Variants in RTL4 observed in about 807,000 individuals in gnomAD.
RTL4 encodes the protein retrotransposon Gag-like protein 4.
A neutral mutation model predicts 5.3 loss-of-function variants in RTL4; 4 were observed. That is an observed-to-expected ratio of 0.75 (90% CI 0.37 to 1.72). The LOEUF (loss-of-function observed/expected upper bound fraction) is 1.72, where lower values mean the gene tolerates loss of function less well. Among genes scored for constraint, RTL4 ranks in the 40% most tolerant of loss-of-function variants. The pLI, the probability that RTL4 is intolerant of heterozygous loss-of-function variation, is 0.04. For missense variants in RTL4, 260 were observed against 227.1 expected (o/e 1.14, Z -0.93); for synonymous variants, 98 against 87.3 (o/e 1.12, Z -0.68).
At chrX:112,164,984 C>G in the RTL4 span, among the ~76,000 whole-genome samples, 1 of 112,135 alleles carries the variant, frequency 8.9e-6, no homozygotes, top group South Asian at 3.8e-4. Flanking sequence ...TGCTAATTAG[C>G]AGGCCGCATT....
the RTL4 span, among the ~76,000 whole-genome samples, chrX:112,235,836 G>C: frequency 9.0e-6 from 1 of 111,360 alleles, no homozygotes; most frequent in Admixed American, 9.5e-5. Flanking sequence ...GTTTAAATCT[G>C]GGAAATAGTA....
chrX:112,111,595 C>T, the RTL4 span, among the ~76,000 whole-genome samples: 1,544 of 112,725 alleles, frequency 0.014, 13 homozygotes, highest in Non-Finnish European at 0.02. Context: ...AGCATACTTG[C>T]TATCTGTGTA....
At chrX:112,436,770 A>G in the RTL4 span, among the ~76,000 whole-genome samples, 1 of 110,675 alleles carries the variant, frequency 9.0e-6, no homozygotes, top group Non-Finnish European at 1.9e-5. Flanking sequence ...TGTTCACCAT[A>G]ACTTTCAGTC....
chrX:112,332,236 AC>A, the RTL4 span, among the ~76,000 whole-genome samples: 1 of 110,606 alleles, frequency 9.0e-6, no homozygotes, highest in African/African-American at 3.3e-5. Context: ...TGTTGGTGGG[AC>A]TGTAAACTGG....
At chrX:112,249,786 T>G in the RTL4 span, among the ~76,000 whole-genome samples, 7 of 90,876 alleles carry the variant, frequency 7.7e-5, no homozygotes, top group East Asian at 9.2e-4. Context: ...ATTATATATA[T>G]ATATATAGAG....
the RTL4 span, among the ~76,000 whole-genome samples, chrX:112,274,061 T>C: frequency 8.9e-6 from 1 of 112,085 alleles, no homozygotes; most frequent in African/African-American, 3.2e-5. Flanking sequence ...GAGGCTCAGA[T>C]AAATTAAATT....
At chrX:112,226,989 C>CAAAACAAAATAAAATAAATAAAATAAAAT in the RTL4 span, among the ~76,000 whole-genome samples, 1 of 95,732 alleles carries the variant, frequency 1.0e-5, no homozygotes, top group African/African-American at 4.0e-5. Context: ...TAAAATAAAA[C>CAAAACAAAATAAAATAAATAAAATAAAAT]AAAATAAAAT....
At chrX:112,318,203 A>G in the RTL4 span, among the ~76,000 whole-genome samples, 2 of 111,581 alleles carry the variant, frequency 1.8e-5, no homozygotes, top group Non-Finnish European at 3.8e-5. Context: ...TCAATCTTGT[A>G]TCTCAGAAAC....
At chrX:112,157,484 C>A in the RTL4 span, among the ~76,000 whole-genome samples, 1 of 111,231 alleles carries the variant, frequency 9.0e-6, no homozygotes, top group Non-Finnish European at 1.9e-5. Context: ...CCTACCCCAC[C>A]CTAAACTCTC....
At chrX:112,171,967 A>G in the RTL4 span, among the ~76,000 whole-genome samples, 1 of 112,491 alleles carries the variant, frequency 8.9e-6, no homozygotes, top group East Asian at 2.8e-4. Context: ...TCCATCTGAC[A>G]AAGGTCTGAT....
the RTL4 span, among the ~76,000 whole-genome samples, chrX:112,350,851 TG>T: frequency 9.0e-6 from 1 of 111,608 alleles, no homozygotes; most frequent in Admixed American, 9.5e-5. Flanking sequence ...AAGGGTTTTT[TG>T]TGTCTCTATT....
chrX:112,331,563 C>T, the RTL4 span, among the ~76,000 whole-genome samples: 32 of 105,049 alleles, frequency 3.0e-4, no homozygotes, highest in African/African-American at 1.1e-3. Flanking sequence ...GTTGGTGGGA[C>T]TGTAAACTAG....
At chrX:112,426,992 A>G in the RTL4 span, among the ~76,000 whole-genome samples, 413 of 111,569 alleles carry the variant, frequency 3.7e-3, no homozygotes, top group African/African-American at 0.012. Context: ...TGAGTTTAGC[A>G]GTGAATTCTA....
the RTL4 span, among the ~76,000 whole-genome samples, chrX:112,338,996 C>T: frequency 0.044 from 4,897 of 110,751 alleles, 272 homozygotes; most frequent in African/African-American, 0.15. Flanking sequence ...ATTGTATGTA[C>T]GTGAGAGATA....
chrX:112,454,602 C>T (rs1045413521), exon 1 of RTL4: 3 of 625,694 alleles, frequency 4.8e-6, no homozygotes, highest in Non-Finnish European at 7.4e-6. Flanking sequence ...GTCTTCTTCA[C>T]AGCTAACAGC....
the RTL4 span, among the ~76,000 whole-genome samples, chrX:112,203,180 G>A: frequency 2.7e-5 from 3 of 110,389 alleles, no homozygotes; most frequent in Non-Finnish European, 3.8e-5. Context: ...TAGGGGTTGC[G>A]AATATTTTCT....
At chrX:112,420,952 G>A in the RTL4 span, among the ~76,000 whole-genome samples, 1 of 110,795 alleles carries the variant, frequency 9.0e-6, no homozygotes, top group Non-Finnish European at 1.9e-5. Context: ...TACGCATCAG[G>A]GCCCAGTTAA....
exon 1 of RTL4, chrX:112,456,529 G>C (rs1438468724): frequency 5.0e-5 from 15 of 297,983 alleles, no homozygotes; most frequent in Non-Finnish European, 8.5e-5. Context: ...ATTTCTGAAA[G>C]GTATTTAGTG....
the RTL4 span, among the ~76,000 whole-genome samples, chrX:112,166,971 G>T: frequency 9.0e-6 from 1 of 111,465 alleles, no homozygotes; most frequent in Non-Finnish European, 1.9e-5. Flanking sequence ...TGTGGGCTTG[G>T]CAGGCATTCC....
Sources: allele counts gnomAD v4.1 joint callset (sites outside exome capture counted in the v4.1 genomes callset), GRCh38; gene constraint gnomAD v4.1.1; transcripts MANE v1.5; gene names NCBI Gene and HGNC (gene_info 2026-07-23, HGNC 2026-07-21).